ENOX1: variants seen among roughly 807,000 people sequenced by gnomAD.
The protein encoded by ENOX1 is ecto-NOX disulfide-thiol exchanger 1.
ENOX1 carries 42 observed loss-of-function variants against 82.5 expected under a neutral mutation model. That is an observed-to-expected ratio of 0.51 (90% CI 0.40 to 0.66). ENOX1 has a LOEUF of 0.66. Ranked by LOEUF, ENOX1 falls within the 30% of genes least tolerant of loss-of-function variation. The pLI, the probability that ENOX1 is intolerant of heterozygous loss-of-function variation, is 0.00. For missense variants in ENOX1, 608 were observed against 811.6 expected (o/e 0.75, Z 3.05); for synonymous variants, 271 against 282.2 (o/e 0.96, Z 0.40).
intron 1 of ENOX1, among the ~76,000 whole-genome samples, chr13:43,745,731 C>A (rs543358384): frequency 3.3e-5 from 5 of 152,268 alleles, no homozygotes; most frequent in Admixed American, 3.3e-4. Context: ...CCCCAGATGT[C>A]GTGGGAGGGA....
intron 11 of ENOX1, among the ~76,000 whole-genome samples, chr13:43,319,349 C>T (rs2047683038): frequency 6.6e-6 from 1 of 152,042 alleles, no homozygotes; most frequent in Admixed American, 6.6e-5. Context: ...ATTGTAGATA[C>T]TGCAGAATTA....
rs373864147 is a variant in ENOX1, at chr13:43,736,678, T to C, written c.-285+49974A>G. ...GATACATTCTCACCCAGATACTCTG[T>C]ACTATATTCAAAATGAGAATTAAGG... On this transcript the variant is annotated intron_variant, in intron 1 of 16. Transcript: ENST00000690772. 7.9e-5 allele frequency among the ~76,000 whole-genome samples: 12 copies of C among 152,188 alleles called. No homozygotes were observed. In the South Asian group the frequency reaches 2.3e-3, roughly 29 times the overall value.
chr13:43,309,964 G>T (rs2047096882), intron 11 of ENOX1, among the ~76,000 whole-genome samples: 1 of 152,098 alleles, frequency 6.6e-6, no homozygotes, highest in South Asian at 2.1e-4. Flanking sequence ...AGCACTTTGG[G>T]AGGCTGAGGT....
Position 43,706,856 on chromosome 13 carries a change from ACTC to A in ENOX1, c.-284-39315_-284-39313del, listed in dbSNP as rs2087328917. Among the ~76,000 whole-genome samples the A allele has an allele frequency of 5.9e-5, 9 of 152,218 alleles. No individual in the cohort carries two copies. The South Asian group carries it at 1.9e-3, about 32-fold the overall frequency. On this transcript the variant is annotated intron_variant, in intron 1 of 16. Coordinates refer to ENST00000690772, the MANE Select transcript of ENOX1 (RefSeq NM_001347969.2). ...GAAAATATCCACTCCTACCACTTCTACTCAACATTGAACTACCAGTCCTGGATA... is the reference window on the plus strand; with the variant it reads ...GAAAATATCCACTCCTACCACTTCTAAACATTGAACTACCAGTCCTGGATA...
At chr13:43,215,947 A>C (rs1205722022) in intron 16 of ENOX1, among the ~76,000 whole-genome samples, 1 of 152,194 alleles carries the variant, frequency 6.6e-6, no homozygotes, top group Non-Finnish European at 1.5e-5. Context: ...CTGTAATCCC[A>C]GCATTTGGGG....
chr13:43,271,637 C>T (rs140344454), intron 12 of ENOX1, among the ~76,000 whole-genome samples: 13 of 151,632 alleles, frequency 8.6e-5, no homozygotes, highest in East Asian at 3.9e-4. Flanking sequence ...TCATTGCATC[C>T]GCACACTTAC....
At chr13:43,532,293 A>G (rs9594970) in intron 2 of ENOX1, among the ~76,000 whole-genome samples, 31,362 of 152,006 alleles carry the variant, frequency 0.21, 3,752 homozygotes, top group Middle Eastern at 0.29. Flanking sequence ...GTTAATAACA[A>G]TTCTGTTCCT....
chr13:43,600,714 C>T (rs1603304), intron 2 of ENOX1, among the ~76,000 whole-genome samples: 148,955 of 152,220 alleles, frequency 0.98, 72,971 homozygotes, highest in Middle Eastern at 1. Flanking sequence ...CGCAGGCCTT[C>T]GGCAAGACCC....
At chr13:43,733,901 G>A (rs969591513) in intron 1 of ENOX1, among the ~76,000 whole-genome samples, 6 of 152,152 alleles carry the variant, frequency 3.9e-5, no homozygotes, top group Non-Finnish European at 1.5e-5. Flanking sequence ...CAAGGTTACA[G>A]TGAGCTATGA....
intron 2 of ENOX1, among the ~76,000 whole-genome samples, chr13:43,656,208 T>G (rs907693325): frequency 2.0e-5 from 3 of 152,242 alleles, no homozygotes; most frequent in African/African-American, 7.2e-5. Flanking sequence ...TTTTTAAATA[T>G]TTAATAGCCA....
At chr13:43,379,775 T>G (rs1261086171) in intron 5 of ENOX1, among the ~76,000 whole-genome samples, 1 of 151,876 alleles carries the variant, frequency 6.6e-6, no homozygotes, top group Non-Finnish European at 1.5e-5. Context: ...TTATCCAAAT[T>G]TGATAGAAAC....
At chr13:43,650,743 C>T (rs1327887452) in intron 2 of ENOX1, among the ~76,000 whole-genome samples, 1 of 152,154 alleles carries the variant, frequency 6.6e-6, no homozygotes, top group Non-Finnish European at 1.5e-5. Context: ...GAGGCTGAGG[C>T]AGGAGAATTG....
intron 1 of ENOX1, among the ~76,000 whole-genome samples, chr13:43,688,319 AT>A (rs1566773235): frequency 6.6e-6 from 1 of 152,186 alleles, no homozygotes; most frequent in Non-Finnish European, 1.5e-5. Context: ...TTAGGATGCT[AT>A]TTCAGTAGTC....
intron 5 of ENOX1, among the ~76,000 whole-genome samples, chr13:43,380,010 T>C (rs2051918066): frequency 6.6e-6 from 1 of 151,890 alleles, no homozygotes; most frequent in African/African-American, 2.4e-5. Flanking sequence ...GAATAGCACC[T>C]TTAAAGAACT....
chr13:43,497,296 C>T (rs180761936), intron 2 of ENOX1, among the ~76,000 whole-genome samples: 393 of 152,232 alleles, frequency 2.6e-3, no homozygotes, highest in African/African-American at 7.9e-3. Context: ...TTAGGACCTC[C>T]AGTACAATGT....
intron 2 of ENOX1, among the ~76,000 whole-genome samples, chr13:43,651,951 C>T (rs921479490): frequency 1.3e-5 from 1 of 77,514 alleles, no homozygotes; most frequent in African/African-American, 5.5e-5. Context: ...GCCTGGGCAA[C>T]AAGAGTGAAA....
chr13:43,479,924 T>C (rs1198875808), intron 3 of ENOX1, among the ~76,000 whole-genome samples: 4 of 151,558 alleles, frequency 2.6e-5, no homozygotes, highest in Non-Finnish European at 5.9e-5. Context: ...CATTCTTTTA[T>C]TTATTTTTAT....
At chr13:43,576,168 A>G in intron 2 of ENOX1, among the ~76,000 whole-genome samples, 1 of 152,208 alleles carries the variant, frequency 6.6e-6, no homozygotes, top group Non-Finnish European at 1.5e-5. Context: ...TCACTTGCCT[A>G]CTTAGATTGG....
intron 3 of ENOX1, among the ~76,000 whole-genome samples, chr13:43,448,676 C>T (rs1221503011): frequency 6.6e-6 from 1 of 152,130 alleles, no homozygotes; most frequent in East Asian, 1.9e-4. Flanking sequence ...ATGTCACCTC[C>T]CTACTTTTGA....
Sources: allele counts gnomAD v4.1 joint callset (sites outside exome capture counted in the v4.1 genomes callset), GRCh38; gene constraint gnomAD v4.1.1; transcripts MANE v1.5; gene names NCBI Gene and HGNC (gene_info 2026-07-23, HGNC 2026-07-21).